The following CADPS variants were observed in gnomAD, a reference collection of about 807,000 sequenced individuals.
CADPS encodes the protein calcium-dependent secretion activator 1.
A neutral mutation model predicts 167.3 loss-of-function variants in CADPS; 57 were observed. The observed-to-expected ratio is 0.34, with a 90% CI of 0.28 to 0.42. CADPS has a LOEUF of 0.42. Ranked by LOEUF, CADPS falls within the 20% of genes least tolerant of loss-of-function variation. CADPS has a pLI of 1.00. For synonymous variants in CADPS, 676 were observed against 635.3 expected (o/e 1.06, Z -0.96); for missense variants, 1,414 against 1,738.1 (o/e 0.81, Z 3.32).
At position 62,595,195 on chromosome 3, in the gene CADPS, A is replaced by C. The variant is rs148330256; in HGVS notation, c.1326-2447T>G. ...GATCCATGGGGATCTCAGTGCATGA[A>C]ACCACTGAGAAAGCACAACAGTCAT... On this transcript the variant is annotated intron_variant, in intron 6 of 29. Coordinates refer to ENST00000383710, the MANE Select transcript of CADPS (RefSeq NM_003716.4). Among the ~76,000 whole-genome samples the C allele has an allele frequency of 4.0e-3, 609 of 152,232 alleles. 4 individuals carry two copies. The highest frequency in any genetic ancestry group is 0.014 in the African/African-American group (577 of 41,546).
chr3:62,591,142 G>C (rs950797366), intron 7 of CADPS, among the ~76,000 whole-genome samples: 6 of 152,216 alleles, frequency 3.9e-5, no homozygotes, highest in African/African-American at 1.4e-4. Flanking sequence ...ACAGGCGTGA[G>C]CCACCGCGCC....
At chr3:62,731,323 G>T (rs950541331) in intron 3 of CADPS, among the ~76,000 whole-genome samples, 5 of 152,174 alleles carry the variant, frequency 3.3e-5, no homozygotes, top group Admixed American at 3.3e-4. Context: ...GCAGTGGAGG[G>T]TGGAGCTGAG....
At chr3:62,520,126 A>C (rs2070101569) in intron 13 of CADPS, among the ~76,000 whole-genome samples, 1 of 152,214 alleles carries the variant, frequency 6.6e-6, no homozygotes, top group Non-Finnish European at 1.5e-5. Context: ...AGGTTTACTG[A>C]TCACAGCAAA....
At chr3:62,737,821 G>A (rs186370212) in intron 3 of CADPS, among the ~76,000 whole-genome samples, 223 of 152,122 alleles carry the variant, frequency 1.5e-3, no homozygotes, top group African/African-American at 5.1e-3. Flanking sequence ...TTTCCATCAG[G>A]CCTCTGCTGA....
intron 3 of CADPS, among the ~76,000 whole-genome samples, chr3:62,664,865 G>A (rs1351095851): frequency 1.3e-5 from 2 of 152,140 alleles, no homozygotes; most frequent in Admixed American, 6.5e-5. Context: ...AGAAAATGCT[G>A]GCAATGAAGA....
chr3:62,682,936 T>C (rs748346039), intron 3 of CADPS, among the ~76,000 whole-genome samples: 5 of 152,118 alleles, frequency 3.3e-5, no homozygotes, highest in African/African-American at 4.8e-5. Flanking sequence ...CTAGCAGCTC[T>C]TGAATTAGGA....
intron 1 of CADPS, among the ~76,000 whole-genome samples, chr3:62,861,874 C>T (rs1015592509): frequency 6.6e-6 from 1 of 152,188 alleles, no homozygotes; most frequent in African/African-American, 2.4e-5. Flanking sequence ...TGCATTATCT[C>T]ATCTCTAAAG....
chr3:62,762,088 G>T (rs1049923928), intron 2 of CADPS, among the ~76,000 whole-genome samples: 1 of 152,096 alleles, frequency 6.6e-6, no homozygotes, highest in African/African-American at 2.4e-5. Flanking sequence ...TGGGCTGGAT[G>T]GGCACAGATG....
In CADPS at chr3:62,710,684, C is replaced by A. The variant is rs182114885; in HGVS notation, c.888+42757G>T. 2.9e-4 allele frequency among the ~76,000 whole-genome samples: 44 copies of A among 152,162 alleles called. No individual in the cohort carries two copies. In the East Asian group the frequency reaches 6.2e-3, roughly 21 times the overall value. ...GATGCACAGCTAGGGCTCCGAGTCA[C>A]CAATTTAGATTCTAGAACATTGGAC... On this transcript the variant is annotated intron_variant, in intron 3 of 29. Coordinates refer to ENST00000383710, the MANE Select transcript of CADPS (RefSeq NM_003716.4).
chr3:62,467,254 T>A, intron 24 of CADPS: 1 of 1,094,128 alleles, frequency 9.1e-7, no homozygotes, highest in Non-Finnish European at 1.2e-6. Flanking sequence ...TAACAAAAAA[T>A]AACAATGCAA....
At chr3:62,774,785 A>G (rs1424413466) in intron 1 of CADPS, among the ~76,000 whole-genome samples, 1 of 152,174 alleles carries the variant, frequency 6.6e-6, no homozygotes, top group East Asian at 1.9e-4. Flanking sequence ...GAAGTATATG[A>G]AGAGAATCTG....
intron 6 of CADPS, among the ~76,000 whole-genome samples, chr3:62,595,749 G>A (rs2148894281): frequency 6.6e-6 from 1 of 152,262 alleles, no homozygotes; most frequent in Non-Finnish European, 1.5e-5. Context: ...ACTAATCCTG[G>A]GTGTGTTTGT....
At chr3:62,480,399 GTTCT>G (rs1429805555) in intron 22 of CADPS, among the ~76,000 whole-genome samples, 2 of 152,042 alleles carry the variant, frequency 1.3e-5, no homozygotes, top group African/African-American at 4.8e-5. Context: ...TATGATTTGT[GTTCT>G]TTTTTAGAAG....
intron 8 of CADPS, among the ~76,000 whole-genome samples, chr3:62,572,155 T>A (rs2081407062): frequency 6.6e-6 from 1 of 152,084 alleles, no homozygotes; most frequent in African/African-American, 2.4e-5. Context: ...TAATTAAAAT[T>A]TTTCCTGCCT....
chr3:62,820,795 G>GTTTTTTTTTTTTTTTTTT (rs5849504), intron 1 of CADPS, among the ~76,000 whole-genome samples: 2 of 137,996 alleles, frequency 1.4e-5, no homozygotes, highest in African/African-American at 2.8e-5. Flanking sequence ...CTTTTTTTTG[G>GTTTTTTTTTTTTTTTTTT]TTTTTTTTTT....
intron 1 of CADPS, among the ~76,000 whole-genome samples, chr3:62,831,664 A>T (rs2075115810): frequency 6.6e-6 from 1 of 152,234 alleles, no homozygotes; most frequent in Non-Finnish European, 1.5e-5. Flanking sequence ...TATTCTCTAC[A>T]GTATCCTACA....
intron 9 of CADPS, among the ~76,000 whole-genome samples, chr3:62,566,197 T>C (rs56680016): frequency 0.033 from 5,009 of 152,298 alleles, 92 homozygotes; most frequent in South Asian, 0.046. Flanking sequence ...CAAGGCTGCC[T>C]GGGAGCAGGG....
rs2063492827 is a variant in CADPS, at chr3:62,490,306, A to ACAAG, written c.3026+1032_3026+1033insCTTG. 3.3e-5 allele frequency among the ~76,000 whole-genome samples: 5 copies of ACAAG among 152,084 alleles called. No individual in the cohort carries two copies. In the South Asian group the frequency reaches 1.0e-3, roughly 32 times the overall value. ...GCATGAACGAAATGATTTCCTTAAA[A>ACAAG]AAAGAAAGAAAGAAAGAAAGAAAGA... On this transcript the variant is annotated intron_variant, in intron 21 of 29. Transcript: ENST00000383710.
At chr3:62,635,213 GGTAGAAATAGGTTGA>G (rs1436211594) in intron 6 of CADPS, among the ~76,000 whole-genome samples, 1 of 152,112 alleles carries the variant, frequency 6.6e-6, no homozygotes, top group Non-Finnish European at 1.5e-5. Context: ...CTGCTCTTGG[GGTAGAAATAGGTTGA>G]GTGATTTGAC....
Sources: allele counts gnomAD v4.1 joint callset (sites outside exome capture counted in the v4.1 genomes callset), GRCh38; gene constraint gnomAD v4.1.1; transcripts MANE v1.5; gene names NCBI Gene and HGNC (gene_info 2026-07-23, HGNC 2026-07-21).